RAI14: variants seen among roughly 807,000 people sequenced by gnomAD.
RAI14 encodes the protein ankycorbin.
A neutral mutation model predicts 115.4 loss-of-function variants in RAI14; 45 were observed. The ratio of observed to expected loss-of-function variants is 0.39; its 90% CI spans 0.31 to 0.50. The LOEUF (loss-of-function observed/expected upper bound fraction) is 0.50. Ranked by LOEUF, RAI14 falls within the 20% of genes least tolerant of loss-of-function variation. The pLI, the probability that RAI14 is intolerant of heterozygous loss-of-function variation, is 0.85. For synonymous variants in RAI14, 371 were observed against 415.4 expected (o/e 0.89, Z 1.30); for missense variants, 939 against 1,131.2 (o/e 0.83, Z 2.44).
At chr5:34,732,852 G>A (rs553208244) in intron 2 of RAI14, among the ~76,000 whole-genome samples, 1 of 150,516 alleles carries the variant, frequency 6.6e-6, no homozygotes, top group South Asian at 2.1e-4. Flanking sequence ...GGATTACTTC[G>A]AGGATTTTTC....
intron 3 of RAI14, among the ~76,000 whole-genome samples, chr5:34,759,633 G>A (rs1173191049): frequency 7.0e-6 from 1 of 142,608 alleles, no homozygotes; most frequent in Non-Finnish European, 1.6e-5. Flanking sequence ...AGAAAAACAA[G>A]CTCAGGGCTC....
At chr5:34,691,344 G>A (rs1223185085) in intron 2 of RAI14, among the ~76,000 whole-genome samples, 1 of 152,176 alleles carries the variant, frequency 6.6e-6, no homozygotes, top group African/African-American at 2.4e-5. Flanking sequence ...TTTTAAAAAT[G>A]GATAGATTGA....
intron 1 of RAI14, among the ~76,000 whole-genome samples, chr5:34,683,359 G>C (rs766444715): frequency 1.3e-5 from 2 of 151,836 alleles, no homozygotes; most frequent in Non-Finnish European, 2.9e-5. Flanking sequence ...CCTTCCCTTG[G>C]GAACTTTTGG....
intron 3 of RAI14, among the ~76,000 whole-genome samples, chr5:34,764,305 A>G (rs1465030382): frequency 6.6e-6 from 1 of 152,184 alleles, no homozygotes; most frequent in Non-Finnish European, 1.5e-5. Context: ...CAGCTTTGAC[A>G]AATGCTGAAT....
chr5:34,684,030 G>A (rs927108930), intron 1 of RAI14, among the ~76,000 whole-genome samples: 1 of 152,114 alleles, frequency 6.6e-6, no homozygotes, highest in African/African-American at 2.4e-5. Flanking sequence ...CCCGGCCGGC[G>A]ATTTCCACTT....
intron 2 of RAI14, among the ~76,000 whole-genome samples, chr5:34,742,690 G>A (rs769698675): frequency 6.6e-6 from 1 of 152,050 alleles, no homozygotes; most frequent in Admixed American, 6.6e-5. Context: ...TTAAGATGGA[G>A]TCTCACTCTG....
chr5:34,766,451 G>A lies in RAI14; in HGVS notation c.167+8853G>A, dbSNP rs184002607. On this transcript the variant is annotated intron_variant, in intron 3 of 17. Transcript: ENST00000265109. ...ACCTGGAATCAAAGGAGATCATTTC[G>A]GAGCTTTAAAATTTGATTGCCCCGC... 6.7e-3 allele frequency among the ~76,000 whole-genome samples: 1,015 copies of A among 152,204 alleles called. 8 individuals are homozygous for A. Among genetic ancestry groups the A allele is most frequent in the African/African-American group, 0.017 (701 of 41,546 alleles).
At chr5:34,821,666 T>G in intron 13 of RAI14, 66 bp from the exon 14 acceptor site, 1 of 967,022 alleles carries the variant, frequency 1.0e-6, no homozygotes, top group South Asian at 1.4e-5. Context: ...GGAAGTGAAT[T>G]TGTCTCAGGT....
At position 34,795,921 on chromosome 5, in the gene RAI14, G is replaced by T. The variant is rs1753467961; in HGVS notation, c.168-18G>T. On this transcript the variant is annotated intron_variant, in intron 3 of 17. Coordinates refer to ENST00000265109, the MANE Select transcript of RAI14 (RefSeq NM_015577.3). The stretch of plus-strand genomic sequence containing the variant: ...AGAGTAGAAATCTCAAGGAGATTGT[G>T]TTTACTTCTCTTTCCAGTTTCCATC... 1 of 1,600,930 alleles carries T rather than the reference G, an allele frequency of 6.2e-7. No individual in the cohort carries two copies. The highest frequency in any genetic ancestry group is 8.6e-7 in the Non-Finnish European group (1 of 1,168,344).
chr5:34,693,352 G>C (rs1047037604), intron 2 of RAI14, among the ~76,000 whole-genome samples: 38 of 152,274 alleles, frequency 2.5e-4, no homozygotes, highest in Admixed American at 2.0e-3. Flanking sequence ...TCATCCTTGG[G>C]ACTGTTTTCA....
intron 6 of RAI14, 92 bp downstream of exon 6, chr5:34,807,949 C>A: frequency 1.0e-6 from 1 of 961,596 alleles, no homozygotes; most frequent in South Asian, 1.3e-5. Context: ...CCATACTATT[C>A]CTGGTGCTCT....
At chr5:34,737,254 A>AGT (rs141267002) in intron 2 of RAI14, among the ~76,000 whole-genome samples, 69,026 of 151,564 alleles carry the variant, frequency 0.46, 15,773 homozygotes, top group Non-Finnish European at 0.47. Flanking sequence ...AGATACTCCT[A>AGT]ATGTAGTGCA....
At chr5:34,713,498 A>AG (rs1336583787) in intron 2 of RAI14, among the ~76,000 whole-genome samples, 6 of 152,180 alleles carry the variant, frequency 3.9e-5, no homozygotes, top group Admixed American at 3.3e-4. Context: ...AGAAAAAAAA[A>AG]CAAACCCAAA....
intron 10 of RAI14, among the ~76,000 whole-genome samples, 182 bp from the exon 11 acceptor site, chr5:34,813,392 C>T (rs1755828924): frequency 6.6e-6 from 1 of 152,176 alleles, no homozygotes; most frequent in Non-Finnish European, 1.5e-5. Context: ...GCATGGGCTG[C>T]TAGGAGAATA....
rs760824780 is a variant in RAI14 at position 34,823,755 on chromosome 5, T to C, written c.1913T>C (p.Ile638Thr). The change falls in exon 15 of 18, where the codon ATA becomes ACA. Residue 638 changes from isoleucine to threonine, a missense_variant. By Grantham distance (89) the Ile-to-Thr change is moderately conservative. Coordinates refer to ENST00000265109, the MANE Select transcript of RAI14 (RefSeq NM_015577.3). This position sits in a 1 kb window ranked among gnomAD's most constrained non-coding sequence, Gnocchi z 4.5. ...ATGAAAGAAGCCATGAATAGGATGA[T>C]AGATGAACTCAATAAACAGGTGAGC... Reference protein sequence around the residue: ...EDMKEAMNRMIDELNKQVSEL... With the variant: ...EDMKEAMNRMTDELNKQVSEL... The C allele has an allele frequency of 1.3e-5, 21 of 1,614,036 alleles. No homozygotes were observed. In the East Asian group the frequency reaches 2.0e-4, roughly 15 times the overall value.
At chr5:34,754,786 A>G (rs1323602022) in intron 2 of RAI14, among the ~76,000 whole-genome samples, 5 of 152,134 alleles carry the variant, frequency 3.3e-5, no homozygotes, top group African/African-American at 1.2e-4. Context: ...CTCTCCTGCC[A>G]TGTCTTATAG....
At chr5:34,692,663 G>C (rs1184068922) in intron 2 of RAI14, among the ~76,000 whole-genome samples, 1 of 151,746 alleles carries the variant, frequency 6.6e-6, no homozygotes, top group Admixed American at 6.6e-5. Flanking sequence ...TGACCCCACT[G>C]GGTGGAGGTA....
intron 8 of RAI14, 73 bp from the exon 9 acceptor site, chr5:34,811,694 A>T: frequency 7.4e-7 from 1 of 1,348,698 alleles, no homozygotes; most frequent in Non-Finnish European, 1.0e-6. Flanking sequence ...CTCTTTTTTT[A>T]AGACAACTGA....
In RAI14 at chr5:34,803,740, G is replaced by A; in HGVS notation, c.285G>A (p.Lys95=). The change falls in exon 5 of 18, where the codon AAG becomes AAA. Residue 95 remains lysine, a synonymous_variant. Transcript: ENST00000265109. ...ACAGCGCCTTACATCTCGCAGCCAAGAACAGCCACCATGAATGCATCAGGA... is the reference window on the plus strand; with the variant it reads ...ACAGCGCCTTACATCTCGCAGCCAAAAACAGCCACCATGAATGCATCAGGA... ...TGHSALHLAA[K]NSHHECIRKL... is the part of the protein sequence containing the mutation. 6.2e-7 allele frequency: 1 copy of A among 1,612,220 alleles called. No individual in the cohort carries two copies. Among genetic ancestry groups the A allele is most frequent in the Non-Finnish European group, 8.5e-7 (1 of 1,179,234 alleles).
Sources: gnomAD v4.1 joint callset for allele counts (sites outside exome capture counted in the v4.1 genomes callset) on GRCh38, gnomAD v4.1.1 for gene constraint, Gnocchi (gnomAD v3.1) non-coding constraint, MANE v1.5 for transcripts, NCBI Gene and HGNC (gene_info 2026-07-23, HGNC 2026-07-21) for gene names.